The following ROBO2 variants were observed in gnomAD, a reference collection of about 807,000 sequenced individuals.
ROBO2 encodes the protein roundabout guidance receptor 2, also known as roundabout homolog 2.
ROBO2 carries 53 observed loss-of-function variants against 160.8 expected under a neutral mutation model. That is an observed-to-expected ratio of 0.33 (90% CI 0.26 to 0.41). The LOEUF is 0.41. Among genes scored for constraint, ROBO2 ranks in the 10% least tolerant of loss-of-function variants. The pLI is 1.00. For synonymous variants in ROBO2, 664 were observed against 611.7 expected (o/e 1.09, Z -1.26); for missense variants, 1,577 against 1,722.4 (o/e 0.92, Z 1.49).
At chr3:77,407,912 T>G (rs2076384696) in intron 2 of ROBO2, among the ~76,000 whole-genome samples, 1 of 152,206 alleles carries the variant, frequency 6.6e-6, no homozygotes, top group South Asian at 2.1e-4. Context: ...AGTTTACACT[T>G]GTTCACTTTA....
intron 2 of ROBO2, among the ~76,000 whole-genome samples, chr3:77,143,838 C>T (rs946420003): frequency 6.6e-6 from 1 of 151,522 alleles, no homozygotes; most frequent in Non-Finnish European, 1.5e-5. Context: ...TATTCTGGTG[C>T]CTTCATATTT....
At chr3:76,548,006 T>C (rs1270894103) in intron 2 of ROBO2, among the ~76,000 whole-genome samples, 1 of 152,132 alleles carries the variant, frequency 6.6e-6, no homozygotes, top group Non-Finnish European at 1.5e-5. Context: ...ATGATAAAGA[T>C]CAGTATCTTT....
At chr3:77,308,207 C>T (rs1244188317) in intron 2 of ROBO2, among the ~76,000 whole-genome samples, 1 of 151,286 alleles carries the variant, frequency 6.6e-6, no homozygotes, top group Non-Finnish European at 1.5e-5. Flanking sequence ...ATGCGGCAAT[C>T]GTTCTTTTCA....
chr3:76,622,913 C>G (rs1043507167), intron 2 of ROBO2, among the ~76,000 whole-genome samples: 3 of 152,140 alleles, frequency 2.0e-5, no homozygotes, highest in African/African-American at 7.2e-5. Context: ...GTCCTGATAT[C>G]CAGTGACAGG....
intron 2 of ROBO2, among the ~76,000 whole-genome samples, chr3:76,155,933 C>T (rs916272804): frequency 2.0e-5 from 3 of 152,042 alleles, no homozygotes; most frequent in Non-Finnish European, 2.9e-5. Flanking sequence ...TCCTTTCTAC[C>T]TTTCCCTGTC....
At chr3:77,258,487 G>T (rs918035784) in intron 2 of ROBO2, among the ~76,000 whole-genome samples, 6 of 151,942 alleles carry the variant, frequency 3.9e-5, no homozygotes, top group African/African-American at 1.5e-4. Flanking sequence ...GCTGGCCATG[G>T]TGGTACACAC....
At chr3:77,018,198 G>C (rs1272316235) in intron 2 of ROBO2, among the ~76,000 whole-genome samples, 1 of 152,094 alleles carries the variant, frequency 6.6e-6, no homozygotes, top group African/African-American at 2.4e-5. Flanking sequence ...AGCCTCCAAG[G>C]ATCAAGCAAT....
chr3:77,060,830 C>G (rs2066226030), intron 1 of ROBO2, among the ~76,000 whole-genome samples: 1 of 152,174 alleles, frequency 6.6e-6, no homozygotes, highest in African/African-American at 2.4e-5. Flanking sequence ...AGGCACCAAG[C>G]AATTTATGTT....
At chr3:77,626,652 C>T (rs1238414705) in intron 23 of ROBO2, among the ~76,000 whole-genome samples, 3 of 151,954 alleles carry the variant, frequency 2.0e-5, no homozygotes, top group South Asian at 2.1e-4. Flanking sequence ...TTCATGACAC[C>T]ACCAGGAAAA....
At chr3:77,175,494 T>G (rs2080061805) in intron 2 of ROBO2, among the ~76,000 whole-genome samples, 1 of 152,010 alleles carries the variant, frequency 6.6e-6, no homozygotes, top group South Asian at 2.1e-4. Context: ...CTCAAAATTT[T>G]GAACATGAAG....
intron 2 of ROBO2, among the ~76,000 whole-genome samples, chr3:76,891,657 G>A (rs1470328144): frequency 6.6e-6 from 1 of 152,076 alleles, no homozygotes; most frequent in Non-Finnish European, 1.5e-5. Context: ...CGAATCTAAT[G>A]GTTTACGCTT....
intron 1 of ROBO2, among the ~76,000 whole-genome samples, chr3:77,051,787 G>C (rs781232013): frequency 1.3e-5 from 2 of 152,170 alleles, no homozygotes; most frequent in Non-Finnish European, 2.9e-5. Flanking sequence ...GATATACCTG[G>C]GAGGGGCAAT....
At chr3:76,555,358 GAGAAGAAGAAGAAGAAGAAGAAGAA>G (rs1310172266) in intron 2 of ROBO2, among the ~76,000 whole-genome samples, 55 of 57,978 alleles carry the variant, frequency 9.5e-4, no homozygotes, top group African/African-American at 2.7e-3. Context: ...AGTAGGAAGA[GAGAAGAAGAAGAAGAAGAAGAAGAA>G]GAAGAAGAAG....
In ROBO2 at chr3:77,117,294, A is replaced by G. The variant is rs562861086; in HGVS notation, c.388+18954A>G. Among the ~76,000 whole-genome samples the G allele has an allele frequency of 2.0e-5, 3 of 152,342 alleles. No individual in the cohort carries two copies. In the East Asian group the frequency reaches 5.8e-4, roughly 29 times the overall value. ...TTAAAAAATTTAAGGCATTAAAATA[A>G]TGGTTTTAAATGTTTGGTCTACTAC... On this transcript the variant is annotated intron_variant, in intron 2 of 25. Transcript: ENST00000461745.
At chr3:76,358,844 C>T (rs1414016755) in intron 2 of ROBO2, among the ~76,000 whole-genome samples, 3 of 151,428 alleles carry the variant, frequency 2.0e-5, no homozygotes, top group Non-Finnish European at 4.4e-5. Flanking sequence ...CATATGTATA[C>T]ATGTGCCATG....
intron 2 of ROBO2, among the ~76,000 whole-genome samples, chr3:77,211,931 T>G (rs2084229478): frequency 2.6e-5 from 4 of 152,216 alleles, no homozygotes. Flanking sequence ...TCCATTGGTC[T>G]ATAACTCTGT....
intron 4 of ROBO2, among the ~76,000 whole-genome samples, chr3:77,486,852 G>A (rs2085424716): frequency 6.6e-6 from 1 of 151,824 alleles, no homozygotes; most frequent in African/African-American, 2.4e-5. Context: ...CACCACCATG[G>A]CTCCATACCA....
Position 76,950,376 on chromosome 3 carries a change from A to T in ROBO2, c.110-147638A>T, listed in dbSNP as rs116039907. Among the ~76,000 whole-genome samples the T allele has an allele frequency of 1.6e-3, 240 of 152,320 alleles. 1 individual carries two copies. Among genetic ancestry groups the T allele is most frequent in the African/African-American group, 5.2e-3 (217 of 41,578 alleles). ...TCTTTATGTTACTTTGTCATTTTGT[A>T]AGCCTCAATTCAGATGGAGTGACAC... On this transcript the variant is annotated intron_variant, in intron 2 of 26. Transcript: ENST00000487694.
chr3:77,175,714 G>A (rs2080091138), intron 2 of ROBO2, among the ~76,000 whole-genome samples: 1 of 151,944 alleles, frequency 6.6e-6, no homozygotes, highest in Non-Finnish European at 1.5e-5. Context: ...ATAGATCAAG[G>A]CAAGCAGGGA....
Sources: allele counts gnomAD v4.1 joint callset (sites outside exome capture counted in the v4.1 genomes callset), GRCh38; gene constraint gnomAD v4.1.1; transcripts MANE v1.5; gene names NCBI Gene and HGNC (gene_info 2026-07-23, HGNC 2026-07-21).